Variants in BCAS3 observed in about 807,000 individuals in gnomAD.
BCAS3 encodes BCAS4/BCAS3 fusion.
Under a neutral mutation model 116.1 loss-of-function variants are expected in BCAS3, and 53 were observed. That is an observed-to-expected ratio of 0.46 (90% CI 0.37 to 0.57). BCAS3 has a LOEUF of 0.57. Ranked by LOEUF, BCAS3 falls within the 20% of genes least tolerant of loss-of-function variation. The pLI is 0.00. For missense variants in BCAS3, 917 were observed against 1,165.4 expected, an observed-to-expected ratio of 0.79 and a Z score of 3.10; for synonymous variants, 391 against 408.2, an observed-to-expected ratio of 0.96 and a Z score of 0.51.
In BCAS3 at chr17:61,022,236, TTTTG is replaced by T. The variant is rs201641037; in HGVS notation, c.1637+6351_1637+6354del. On this transcript the variant is annotated intron_variant, in intron 16 of 23. Transcript: ENST00000407086. Reference sequence around the variant, plus strand: ...GTCTACTATATACCATATATATATTTTTTGTTTGTTTGTTTGTTTTGTTTTGTTT... The same window carrying T: ...GTCTACTATATACCATATATATATTTTTTGTTTGTTTGTTTTGTTTTGTTT... Among the ~76,000 whole-genome samples, 1,439 of 152,174 alleles carry T rather than the reference TTTTG, an allele frequency of 9.5e-3. 30 individuals carry two copies. Among genetic ancestry groups the T allele is most frequent in the African/African-American group, 0.033 (1,370 of 41,512 alleles).
intron 14 of BCAS3, among the ~76,000 whole-genome samples, chr17:60,968,002 A>T (rs2145334685): frequency 6.6e-6 from 1 of 150,770 alleles, no homozygotes; most frequent in East Asian, 1.9e-4. Context: ...AGTTTTCTTA[A>T]AACTGCTATT....
chr17:60,984,983 CTGGGTGACAGAGT>C (rs2063039986), intron 14 of BCAS3, among the ~76,000 whole-genome samples: 1 of 131,836 alleles, frequency 7.6e-6, no homozygotes, highest in Admixed American at 8.5e-5. Flanking sequence ...GCACTCTAGC[CTGGGTGACAGAGT>C]GAGACTCCAT....
At position 60,894,436 on chromosome 17, in the gene BCAS3, G is replaced by A. The variant is rs117392154; in HGVS notation, c.738+4665G>A. ...TATATCCTGCAACTTTACTGAATCC[G>A]TTTACCAAATCTAAGATTTTGTGCG... is the stretch of plus-strand genomic sequence containing the variant. On this transcript the variant is annotated intron_variant, in intron 10 of 23. Coordinates refer to ENST00000407086, the MANE Select transcript of BCAS3 (RefSeq NM_017679.5). 3.6e-3 allele frequency among the ~76,000 whole-genome samples: 543 copies of A among 152,148 alleles called. 12 individuals are homozygous for A. The East Asian group carries it at 0.075, about 21-fold the overall frequency.
intron 22 of BCAS3, among the ~76,000 whole-genome samples, chr17:61,230,140 TATAC>T (rs953173460): frequency 3.0e-5 from 1 of 33,210 alleles, no homozygotes; most frequent in Non-Finnish European, 6.6e-5. Flanking sequence ...AAAGTGTGTG[TATAC>T]ACACACACAC....
chr17:61,025,424 T>G (rs998707108), intron 16 of BCAS3, among the ~76,000 whole-genome samples: 17 of 152,058 alleles, frequency 1.1e-4, no homozygotes. Context: ...GAATATGCAT[T>G]TATCTGCATT....
chr17:60,945,073 A>G (rs560332623), intron 13 of BCAS3, among the ~76,000 whole-genome samples: 11 of 152,184 alleles, frequency 7.2e-5, no homozygotes, highest in Admixed American at 3.9e-4. Flanking sequence ...CTTGTACTGT[A>G]TAAAAAAACC....
At position 61,324,788 on chromosome 17, in the gene BCAS3, C is replaced by T. The variant is rs1448540250; in HGVS notation, c.2426-43539C>T. ...TCAGTTGAGCTCAGGAGTTCAAGAC[C>T]AGCCTGGGCAACCTAGTGAGACCTC... On this transcript the variant is annotated intron_variant, in intron 22 of 23. Coordinates refer to ENST00000407086, the MANE Select transcript of BCAS3 (RefSeq NM_017679.5). This position sits in a 1 kb window ranked among gnomAD's most constrained non-coding sequence, Gnocchi z 4.6. Among the ~76,000 whole-genome samples the T allele has an allele frequency of 2.7e-5, 4 of 149,674 alleles. No individual in the cohort carries two copies. The highest frequency in any genetic ancestry group is 2.0e-4 in the Admixed American group (3 of 15,050).
chr17:60,758,526 T>C (rs1220083602), intron 6 of BCAS3, among the ~76,000 whole-genome samples: 1 of 151,750 alleles, frequency 6.6e-6, no homozygotes, highest in African/African-American at 2.4e-5. Context: ...GATTACAGGC[T>C]CCCACCACCA....
At chr17:60,685,442 C>T (rs998041268) in intron 3 of BCAS3, among the ~76,000 whole-genome samples, 2 of 139,446 alleles carry the variant, frequency 1.4e-5, no homozygotes, top group African/African-American at 5.5e-5. Flanking sequence ...AAGAGTGAAA[C>T]TCCGTCTCAA....
chr17:60,818,486 G>A (rs766035390), intron 7 of BCAS3, among the ~76,000 whole-genome samples: 5 of 152,080 alleles, frequency 3.3e-5, no homozygotes, highest in East Asian at 1.9e-4. Flanking sequence ...TGGGATAGTC[G>A]GTATGTGACT....
chr17:60,686,475 T>G (rs1218877747), intron 3 of BCAS3, among the ~76,000 whole-genome samples: 1 of 152,178 alleles, frequency 6.6e-6, no homozygotes, highest in Non-Finnish European at 1.5e-5. Flanking sequence ...GGATGGTAGT[T>G]GCCCTTGGCT....
intron 22 of BCAS3, among the ~76,000 whole-genome samples, chr17:61,329,518 T>A (rs1664786907): frequency 6.6e-6 from 1 of 150,906 alleles, no homozygotes; most frequent in Admixed American, 6.9e-5. Context: ...TTTTTTGTAT[T>A]TTTTAGTAGA....
At chr17:61,015,467 T>C (rs2065391749) in intron 15 of BCAS3, among the ~76,000 whole-genome samples, 2 of 152,142 alleles carry the variant, frequency 1.3e-5, no homozygotes, top group Non-Finnish European at 2.9e-5. Context: ...TTTTGATATT[T>C]TTTGTAGAGA....
At chr17:60,890,326 C>T (rs564389401) in intron 10 of BCAS3, among the ~76,000 whole-genome samples, 8 of 152,066 alleles carry the variant, frequency 5.3e-5, no homozygotes, top group South Asian at 2.1e-4. Context: ...TGGTGGCATG[C>T]GCCTGTAATC....
intron 22 of BCAS3, among the ~76,000 whole-genome samples, chr17:61,116,261 T>TC (rs1568386821): frequency 3.2e-4 from 24 of 74,294 alleles, no homozygotes; most frequent in African/African-American, 6.9e-4. Context: ...AATAAATAAA[T>TC]AAATAAATAA....
At chr17:61,231,869 CAAAAAAAAA>C (rs72247548) in intron 22 of BCAS3, among the ~76,000 whole-genome samples, 4 of 100,450 alleles carry the variant, frequency 4.0e-5, no homozygotes, top group Non-Finnish European at 7.4e-5. Flanking sequence ...GACCCTGTCT[CAAAAAAAAA>C]AAAAAAAAAG....
At chr17:60,939,120 T>G (rs1195614358) in intron 13 of BCAS3, among the ~76,000 whole-genome samples, 3 of 152,186 alleles carry the variant, frequency 2.0e-5, no homozygotes, top group Non-Finnish European at 4.4e-5. Context: ...CATAGCTGTT[T>G]GAGTTACAAT....
At chr17:60,813,995 G>T (rs1420183046) in intron 7 of BCAS3, among the ~76,000 whole-genome samples, 1 of 152,098 alleles carries the variant, frequency 6.6e-6, no homozygotes, top group Non-Finnish European at 1.5e-5. Flanking sequence ...GCCTGGGATT[G>T]CTTTGGCTTT....
Position 61,026,094 on chromosome 17 carries a change from A to G in BCAS3, c.1638-8572A>G, listed in dbSNP as rs1369028816. Among the ~76,000 whole-genome samples the G allele has an allele frequency of 6.6e-6, 1 of 152,098 alleles. No individual in the cohort carries two copies. The highest frequency in any genetic ancestry group is 1.5e-5 in the Non-Finnish European group (1 of 67,970). On this transcript the variant is annotated intron_variant, in intron 16 of 23. Coordinates refer to ENST00000407086, the MANE Select transcript of BCAS3 (RefSeq NM_017679.5). The surrounding 1 kb of genome is among the most constrained non-coding windows in gnomAD (Gnocchi z 5.0). ...TTCTTTATGTGCAGATGTGCATGGC[A>G]TATCTTAAATGCTAGGAACAGAATT...
Sources: gnomAD v4.1 joint callset for allele counts (sites outside exome capture counted in the v4.1 genomes callset) on GRCh38, gnomAD v4.1.1 for gene constraint, Gnocchi (gnomAD v3.1) non-coding constraint, MANE v1.5 for transcripts, NCBI Gene and HGNC (gene_info 2026-07-23, HGNC 2026-07-21) for gene names.